ACAN: variants seen among roughly 807,000 people sequenced by gnomAD.
ACAN encodes the protein aggrecan core protein.
Under a neutral mutation model 169.1 loss-of-function variants are expected in ACAN, and 47 were observed. That is an observed-to-expected ratio of 0.28 (90% CI 0.22 to 0.35). The LOEUF (loss-of-function observed/expected upper bound fraction) is 0.35, where lower values mean the gene tolerates loss of function less well. ACAN is among the 10% of genes least tolerant of loss of function. The probability of loss-of-function intolerance (pLI) is 1.00; values close to 1 mark genes in which losing one functional copy is unlikely to be tolerated. For missense variants in ACAN, 2,716 were observed against 2,759.9 expected (o/e 0.98, Z 0.36); for synonymous variants, 1,115 against 1,112.2 (o/e 1.00, Z -0.05).
At chr15:88,813,674 T>G (rs1895874409) in intron 1 of ACAN, among the ~76,000 whole-genome samples, 2 of 152,358 alleles carry the variant, frequency 1.3e-5, no homozygotes, top group South Asian at 4.1e-4. Flanking sequence ...ATCTTTCACC[T>G]CATTTCCTTT....
rs748421719 is a variant in ACAN at position 88,854,891 on chromosome 15, A to G, written c.2306A>G (p.Glu769Gly). The G allele has an allele frequency of 1.3e-6, 2 of 1,527,810 alleles. No individual in the cohort carries two copies. Among genetic ancestry groups the G allele is most frequent in the South Asian group, 1.4e-5 (1 of 72,964 alleles). The allele number at this position is 1,527,810 out of a possible 1,614,324, so 94.6% of individuals were successfully genotyped here. ...TGGCCTCCCACTGGCGCAGCAACAG[A>G]GGAAAGTACAGAAGGCCCTTCTGCA... is the stretch of plus-strand genomic sequence containing the variant. ...PTWPPTGAAT[E>G]ESTEGPSATE... Residue 769 changes from glutamate (E) to glycine (G), a missense_variant, in exon 12 of 19, where the codon GAG becomes GGG. Around this residue, in one of 3 missense-constraint regions of ACAN, gnomAD observed 1,283 missense variants for 1,281.5 expected, o/e 1.00. Transcript: ENST00000560601.
chr15:88,822,528 G>A lies in ACAN; in HGVS notation c.-7-13672G>A, dbSNP rs560878114. Among the ~76,000 whole-genome samples, 8 of 151,340 alleles carry A rather than the reference G, an allele frequency of 5.3e-5. No individual in the cohort carries two copies. In the East Asian group the frequency reaches 7.8e-4, roughly 15 times the overall value. On this transcript the variant is annotated intron_variant, in intron 1 of 18. Transcript: ENST00000560601. ...GTTGCCCAGGCTGGAGTGCAATGGC[G>A]TGATCTTGGCTCACTGCAACCTCCG...
At position 88,871,674 on chromosome 15, in the gene ACAN, C is replaced by T. The variant is rs914827565; in HGVS notation, c.7219+134C>T. On this transcript the variant is annotated intron_variant, in intron 15 of 18. Coordinates refer to ENST00000560601, the MANE Select transcript of ACAN (RefSeq NM_001369268.1). The surrounding 1 kb of genome is among the most constrained non-coding windows in gnomAD (Gnocchi z 7.8). ...GACCTGGGGGAGGGGGAACAGTGTT[C>T]CCACAGTCTGAGCTCCCAGAGAGAA... is the stretch of plus-strand genomic sequence containing the variant. 4 of 1,260,740 alleles carry T rather than the reference C, an allele frequency of 3.2e-6. No homozygotes were observed. The African/African-American group carries it at 6.0e-5, about 19-fold the overall frequency. The allele number at this position is 1,260,740 out of a possible 1,614,324, so 78.1% of individuals were successfully genotyped here.
At position 88,845,374 on chromosome 15, in the gene ACAN, T is replaced by C. The variant is rs544001217; in HGVS notation, c.1052-131T>C. 8.1e-5 allele frequency: 110 copies of C among 1,357,662 alleles called. 2 individuals are homozygous for C. The South Asian group carries it at 1.7e-3, about 20-fold the overall frequency. The allele number at this position is 1,357,662 out of a possible 1,614,324, so 84.1% of individuals were successfully genotyped here. ...CCTGAAATGGGCTTGGCAAGGTGCCTGGCACACAGTGGTGCCCTCCTGCCC... is the reference window on the plus strand; with the variant it reads ...CCTGAAATGGGCTTGGCAAGGTGCCCGGCACACAGTGGTGCCCTCCTGCCC... On this transcript the variant is annotated intron_variant, in intron 6 of 18. Transcript: ENST00000560601.
chr15:88,834,963 T>C (rs997951774), intron 1 of ACAN, among the ~76,000 whole-genome samples: 8 of 152,204 alleles, frequency 5.3e-5, no homozygotes, highest in Non-Finnish European at 1.2e-4. Flanking sequence ...GTTCCAATTG[T>C]GCACCTTTAC....
Position 88,873,808 on chromosome 15 carries a change from A to G in ACAN, c.7448-34A>G. The G allele has an allele frequency of 4.4e-6, 7 of 1,606,074 alleles. No homozygotes were observed. Among genetic ancestry groups the G allele is most frequent in the African/African-American group, 1.3e-5 (1 of 74,924 alleles). ...AGCATAGGTCATCCCAGGAGACCCT[A>G]TGAGACCCTTTATAAAGGGTGTTTG... On this transcript the variant is annotated intron_variant, in intron 17 of 18. Transcript: ENST00000560601. This position sits in a 1 kb window ranked among gnomAD's most constrained non-coding sequence, Gnocchi z 7.5.
chr15:88,842,806 T>A (rs1247396591), intron 5 of ACAN, among the ~76,000 whole-genome samples: 1 of 152,154 alleles, frequency 6.6e-6, no homozygotes, highest in Non-Finnish European at 1.5e-5. Context: ...CCTTACCCCT[T>A]ACCCTTACCC....
At position 88,872,620 on chromosome 15, in the gene ACAN, T is replaced by A. The variant is rs1401456128; in HGVS notation, c.7303-261T>A. Reference sequence around the variant, plus strand: ...GGAATCAGCTCATGTACAGAGCCTGTGAGTCTTGGGGGTTCTGAGCTCCTG... The same window carrying A: ...GGAATCAGCTCATGTACAGAGCCTGAGAGTCTTGGGGGTTCTGAGCTCCTG... On this transcript the variant is annotated intron_variant, in intron 16 of 18. Coordinates refer to ENST00000560601, the MANE Select transcript of ACAN (RefSeq NM_001369268.1). The surrounding 1 kb of genome is among the most constrained non-coding windows in gnomAD (Gnocchi z 5.4). 3.3e-5 allele frequency among the ~76,000 whole-genome samples: 5 copies of A among 152,132 alleles called. No homozygotes were observed. Among genetic ancestry groups the A allele is most frequent in the African/African-American group, 7.2e-5 (3 of 41,444 alleles).
chr15:88,818,139 A>G (rs368729753), intron 1 of ACAN, among the ~76,000 whole-genome samples: 2 of 152,236 alleles, frequency 1.3e-5, no homozygotes, highest in Non-Finnish European at 2.9e-5. Context: ...AGAGACAGGA[A>G]GGGATAGAAA....
intron 11 of ACAN, among the ~76,000 whole-genome samples, chr15:88,854,074 G>C (rs1005924009): frequency 1.3e-5 from 2 of 152,198 alleles, no homozygotes; most frequent in Non-Finnish European, 2.9e-5. Flanking sequence ...ATGTAGCCTT[G>C]ATTAGTTAGA....
chr15:88,851,044 C>G lies in ACAN; in HGVS notation c.2027-750C>G, dbSNP rs1372800893. The G allele has an allele frequency of 6.6e-6, 1 of 152,172 alleles. No individual in the cohort carries two copies. The highest frequency in any genetic ancestry group is 1.5e-5 in the Non-Finnish European group (1 of 68,066). 9.4% of individuals were successfully genotyped at this position (152,172 alleles called of 1,614,324 possible). ...GAGGCTCTTGTCCCAGTGCCCCTTC[C>G]CTGCTCTGGGAAGCAGAAACCAAGC... On this transcript the variant is annotated intron_variant, in intron 10 of 18. Transcript: ENST00000560601. The surrounding 1 kb of genome is among the most constrained non-coding windows in gnomAD (Gnocchi z 4.3).
In ACAN at chr15:88,858,947, G is replaced by A. The variant is rs774312864; in HGVS notation, c.6362G>A (p.Arg2121Lys). Reference sequence around the variant, plus strand: ...GCATCTGCCGCCCCTGAGGCCAGCAGAGAAGATTCTGGGTCCCCTGATCTG... The same window carrying A: ...GCATCTGCCGCCCCTGAGGCCAGCAAAGAAGATTCTGGGTCCCCTGATCTG... ...FGASAAPEAS[R>K]EDSGSPDLSE... Residue 2121 changes from arginine to lysine, a missense_variant, in exon 12 of 19, where the codon AGA becomes AAA. Physicochemically the swap from Arg to Lys is conservative, Grantham distance 26. Transcript: ENST00000560601. The surrounding 1 kb of genome is among the most constrained non-coding windows in gnomAD (Gnocchi z 4.0). 8 of 1,611,958 alleles carry A rather than the reference G, an allele frequency of 5.0e-6. No individual in the cohort carries two copies. Among genetic ancestry groups the A allele is most frequent in the Non-Finnish European group, 5.9e-6 (7 of 1,178,284 alleles).
intron 13 of ACAN, among the ~76,000 whole-genome samples, chr15:88,863,738 A>C (rs1897240111): frequency 6.6e-6 from 1 of 152,262 alleles, no homozygotes; most frequent in Non-Finnish European, 1.5e-5. Context: ...TTTGAATTTC[A>C]GAGAAACCTC....
In ACAN at chr15:88,807,788, A is replaced by ATGTGTGTG. The variant is rs1895723404; in HGVS notation, c.-8+3981_-8+3982insTGTGTGTG. 4.4e-4 allele frequency among the ~76,000 whole-genome samples: 18 copies of ATGTGTGTG among 40,734 alleles called. No homozygotes were observed. In the South Asian group the frequency reaches 0.012, roughly 26 times the overall value. The allele number at this position is 40,734 out of a possible 152,430, so 26.7% of individuals were successfully genotyped here. Reference sequence around the variant, plus strand: ...TGTGTGTGTGTGTGTGTGTGTGTGCATGCTGGCAGGGCGGGCCCTGCGGGC... The same window carrying ATGTGTGTG: ...TGTGTGTGTGTGTGTGTGTGTGTGCATGTGTGTGTGCTGGCAGGGCGGGCCCTGCGGGC... On this transcript the variant is annotated intron_variant, in intron 1 of 18. Coordinates refer to ENST00000560601, the MANE Select transcript of ACAN (RefSeq NM_001369268.1). The surrounding 1 kb of genome is among the most constrained non-coding windows in gnomAD (Gnocchi z 4.0).
chr15:88,810,095 T>C (rs1895782105), intron 1 of ACAN, among the ~76,000 whole-genome samples: 1 of 152,138 alleles, frequency 6.6e-6, no homozygotes, highest in African/African-American at 2.4e-5. Flanking sequence ...AGGGGGAGGC[T>C]GAGTCCCAGA....
At position 88,834,582 on chromosome 15, in the gene ACAN, A is replaced by G. The variant is rs554739793; in HGVS notation, c.-7-1618A>G. 3.6e-4 allele frequency among the ~76,000 whole-genome samples: 55 copies of G among 152,318 alleles called. 1 individual carries two copies. The highest frequency in any genetic ancestry group is 1.2e-3 in the South Asian group (6 of 4,830). ...CGGGCGAGAGTTGCTGAAATCTCCA[A>G]TCTTTTCTTTAGTCCCAGATCCTCC... On this transcript the variant is annotated intron_variant, in intron 1 of 18. Transcript: ENST00000560601.
intron 13 of ACAN, among the ~76,000 whole-genome samples, chr15:88,865,245 C>T (rs1897261288): frequency 6.6e-6 from 1 of 152,118 alleles, no homozygotes; most frequent in Non-Finnish European, 1.5e-5. Context: ...GATGAGTGAG[C>T]CCTGGGTAGC....
intron 13 of ACAN, 103 bp downstream of exon 13, chr15:88,860,542 G>GGGA (rs1897174861): frequency 6.6e-6 from 6 of 905,798 alleles, no homozygotes; most frequent in East Asian, 2.7e-5. Flanking sequence ...AAGGTCCACT[G>GGGA]AGGCTCAGGC....
At chr15:88,830,350 G>A (rs1359180416) in intron 1 of ACAN, among the ~76,000 whole-genome samples, 4 of 152,182 alleles carry the variant, frequency 2.6e-5, no homozygotes, top group Admixed American at 6.5e-5. Flanking sequence ...GATGCGTTCT[G>A]AGAAATGCAT....
Sources: gnomAD v4.1 joint callset for allele counts (sites outside exome capture counted in the v4.1 genomes callset) on GRCh38, gnomAD v4.1.1 for gene constraint, gnomAD v4.1.1 regional missense constraint, Gnocchi (gnomAD v3.1) non-coding constraint, MANE v1.5 for transcripts, NCBI Gene and HGNC (gene_info 2026-07-23, HGNC 2026-07-21) for gene names.